Variants in RALGAPA2 observed in about 807,000 individuals in gnomAD.
The protein encoded by RALGAPA2 is Ral GTPase activating protein catalytic subunit alpha 2.
Under a neutral mutation model 230.4 loss-of-function variants are expected in RALGAPA2, and 139 were observed. That is an observed-to-expected ratio of 0.60 (90% CI 0.53 to 0.69). The LOEUF (loss-of-function observed/expected upper bound fraction) is 0.69. Among genes scored for constraint, RALGAPA2 ranks in the 30% least tolerant of loss-of-function variants. The pLI is 0.00. For synonymous variants in RALGAPA2, 847 were observed against 837.8 expected (o/e 1.01, Z -0.19); for missense variants, 2,163 against 2,276.0 (o/e 0.95, Z 1.01).
chr20:20,698,208 T>TA (rs750817468), intron 1 of RALGAPA2, among the ~76,000 whole-genome samples: 7 of 151,994 alleles, frequency 4.6e-5, no homozygotes, highest in African/African-American at 7.2e-5. Flanking sequence ...TGGAAGAAGA[T>TA]AGAGGTAGCA....
intron 38 of RALGAPA2, among the ~76,000 whole-genome samples, chr20:20,408,134 G>A (rs868527672): frequency 4.6e-5 from 7 of 152,242 alleles, no homozygotes; most frequent in Admixed American, 2.0e-4. Context: ...GGAACCATAC[G>A]TAGTATTGGC....
chr20:20,408,364 G>A (rs1291081493), intron 38 of RALGAPA2, among the ~76,000 whole-genome samples: 1 of 152,208 alleles, frequency 6.6e-6, no homozygotes, highest in Non-Finnish European at 1.5e-5. Flanking sequence ...ACAGACACAA[G>A]TGGATTCCTC....
intron 37 of RALGAPA2, among the ~76,000 whole-genome samples, chr20:20,434,328 C>A (rs1346302209): frequency 6.6e-6 from 1 of 151,970 alleles, no homozygotes; most frequent in Non-Finnish European, 1.5e-5. Flanking sequence ...CAGTCAGCAA[C>A]GAGGCCTTGG....
intron 19 of RALGAPA2, 71 bp downstream of exon 19, chr20:20,584,794 A>AATG (rs1013671411): frequency 1.7e-6 from 2 of 1,172,800 alleles, no homozygotes; most frequent in Non-Finnish European, 2.5e-6. Context: ...TAATAATAAT[A>AATG]ATAAAATGTA....
chr20:20,645,975 A>C (rs996657855), intron 4 of RALGAPA2, among the ~76,000 whole-genome samples: 5 of 151,880 alleles, frequency 3.3e-5, no homozygotes, highest in African/African-American at 1.2e-4. Flanking sequence ...AAAAATTAGC[A>C]AGAAAAACAT....
At chr20:20,617,426 C>T (rs897489923) in intron 12 of RALGAPA2, among the ~76,000 whole-genome samples, 3 of 151,984 alleles carry the variant, frequency 2.0e-5, no homozygotes, top group Non-Finnish European at 2.9e-5. Flanking sequence ...TACTAGCCTT[C>T]GAGTAAGAAA....
intron 38 of RALGAPA2, among the ~76,000 whole-genome samples, chr20:20,407,038 A>G (rs1295235681): frequency 3.9e-5 from 6 of 152,210 alleles, no homozygotes; most frequent in Non-Finnish European, 7.3e-5. Flanking sequence ...TGGCATTTCC[A>G]TGTGAAATGG....
intron 38 of RALGAPA2, among the ~76,000 whole-genome samples, chr20:20,404,712 C>T (rs963673479): frequency 1.9e-4 from 29 of 152,226 alleles, no homozygotes; most frequent in Non-Finnish European, 3.7e-4. Context: ...CTCTTGGCAA[C>T]TGCTAAAGCG....
chr20:20,580,411 A>G (rs2145994356), intron 20 of RALGAPA2, among the ~76,000 whole-genome samples: 2 of 152,164 alleles, frequency 1.3e-5, no homozygotes, highest in East Asian at 3.9e-4. Flanking sequence ...TCTAGTTCTC[A>G]CATACTAAGT....
chr20:20,496,868 G>T (rs2062221381), intron 35 of RALGAPA2, among the ~76,000 whole-genome samples: 1 of 152,064 alleles, frequency 6.6e-6, no homozygotes, highest in Non-Finnish European at 1.5e-5. Context: ...GACTGTACAG[G>T]CCAATTATTT....
intron 23 of RALGAPA2, among the ~76,000 whole-genome samples, chr20:20,551,387 T>C (rs1000750579): frequency 1.2e-4 from 19 of 152,216 alleles, no homozygotes; most frequent in African/African-American, 4.3e-4. Flanking sequence ...CTGCAAAATG[T>C]TGCAATATAG....
intron 37 of RALGAPA2, among the ~76,000 whole-genome samples, chr20:20,468,988 T>A (rs1187150463): frequency 6.6e-6 from 1 of 152,032 alleles, no homozygotes; most frequent in Non-Finnish European, 1.5e-5. Context: ...TGTGTGTGTG[T>A]GTATTCTATA....
chr20:20,573,703 T>C (rs1356485674), intron 20 of RALGAPA2, among the ~76,000 whole-genome samples: 1 of 152,180 alleles, frequency 6.6e-6, no homozygotes, highest in Non-Finnish European at 1.5e-5. Context: ...ATTCTACAGT[T>C]TGTAGCCTGT....
chr20:20,533,957 G>C (rs2063432940), intron 26 of RALGAPA2, among the ~76,000 whole-genome samples: 1 of 152,016 alleles, frequency 6.6e-6, no homozygotes, highest in Non-Finnish European at 1.5e-5. Context: ...TAAAAGGAAG[G>C]ATAGAAAAGA....
chr20:20,428,708 C>T (rs926456646), intron 37 of RALGAPA2, among the ~76,000 whole-genome samples: 205 of 84,982 alleles, frequency 2.4e-3, no homozygotes, highest in Non-Finnish European at 4.1e-3. Context: ...CATTATTGTG[C>T]CTGCCACCCA....
chr20:20,641,036 A>G (rs1256149478), intron 5 of RALGAPA2, among the ~76,000 whole-genome samples, 158 bp from the exon 6 acceptor site: 1 of 152,260 alleles, frequency 6.6e-6, no homozygotes, highest in Non-Finnish European at 1.5e-5. Context: ...AAGATGCTGC[A>G]ATACAGCACA....
chr20:20,623,775 C>T (rs1703257324), intron 10 of RALGAPA2, among the ~76,000 whole-genome samples: 1 of 152,188 alleles, frequency 6.6e-6, no homozygotes, highest in African/African-American at 2.4e-5. Context: ...CCAGTTATTA[C>T]ATGTCTTTTT....
intron 10 of RALGAPA2, 91 bp from the exon 11 acceptor site, chr20:20,620,721 A>G (rs1273813370): frequency 1.8e-6 from 2 of 1,126,688 alleles, no homozygotes; most frequent in Non-Finnish European, 2.4e-6. Flanking sequence ...AGCATCACCC[A>G]TTTCACTTTC....
chr20:20,420,694 G>GGACAGATACTGGGCT (rs904066449), intron 37 of RALGAPA2, among the ~76,000 whole-genome samples: 1 of 152,114 alleles, frequency 6.6e-6, no homozygotes, highest in Non-Finnish European at 1.5e-5. Flanking sequence ...CCCTCCCACA[G>GGACAGATACTGGGCT]GACAGATACT....
Sources: allele counts gnomAD v4.1 joint callset (sites outside exome capture counted in the v4.1 genomes callset), GRCh38; gene constraint gnomAD v4.1.1; transcripts MANE v1.5; gene names NCBI Gene and HGNC (gene_info 2026-07-23, HGNC 2026-07-21).